SPATA18: variants seen among roughly 807,000 people sequenced by gnomAD.
SPATA18 encodes the protein spermatogenesis associated 18, also known as mitochondria-eating protein.
A neutral mutation model predicts 68.1 loss-of-function variants in SPATA18; 54 were observed. The ratio of observed to expected loss-of-function variants is 0.79; its 90% CI spans 0.64 to 0.99. The LOEUF (loss-of-function observed/expected upper bound fraction) is 0.99. SPATA18 is among the 50% of genes least tolerant of loss of function. The pLI, the probability that SPATA18 is intolerant of heterozygous loss-of-function variation, is 0.00. For synonymous variants in SPATA18, 242 were observed against 244.8 expected (o/e 0.99, Z 0.11); for missense variants, 724 against 681.1 (o/e 1.06, Z -0.70).
chr4:52,053,035 G>C (rs1560577247), intron 1 of SPATA18, among the ~76,000 whole-genome samples: 1 of 152,116 alleles, frequency 6.6e-6, no homozygotes, highest in African/African-American at 2.4e-5. Flanking sequence ...AATTTTAAAA[G>C]TACCTACTAC....
chr4:52,078,818 G>A lies in SPATA18; in HGVS notation c.1104G>A (p.Ser368=), dbSNP rs1358952323. ...CGTTGACACCATCTTATGTGGGGTC[G>A]AATGACTTTGAGAATGCTGTCTTGG... The part of the protein sequence containing the change: ...RKSLTPSYVG[S]NDFENAVLDY... The change falls in exon 8 of 13, where the codon TCG becomes TCA. Residue 368 remains serine, a synonymous_variant. Transcript: ENST00000295213. The A allele has an allele frequency of 1.2e-6, 2 of 1,609,516 alleles. No individual in the cohort carries two copies. Among genetic ancestry groups the A allele is most frequent in the Non-Finnish European group, 1.7e-6 (2 of 1,176,294 alleles).
At chr4:52,077,069 CCTTAGGGCAGCCGGGAGA>C (rs775387631) in intron 7 of SPATA18, 29 bp downstream of exon 7, 7 of 1,563,946 alleles carry the variant, frequency 4.5e-6, no homozygotes, top group African/African-American at 1.4e-5. Flanking sequence ...ACTCCCGGCT[CCTTAGGGCAGCCGGGAGA>C]CAAGTTCTGT....
Position 52,082,462 on chromosome 4 carries a change from T to C in SPATA18, c.1431T>C (p.Asn477=). The change falls in exon 10 of 13, where the codon AAT becomes AAC. Residue 477 remains asparagine, a synonymous_variant. Transcript: ENST00000295213. ...ACGTGTGGCCTGCTCTCATGGAGAA[T>C]GACTGTGTCATTATGAAGGGAGAAG... The part of the protein sequence containing the change: ...LYHVWPALME[N]DCVIMKGEAV... 1 of 1,614,162 alleles carries C rather than the reference T, an allele frequency of 6.2e-7. No homozygotes were observed. Among genetic ancestry groups the C allele is most frequent in the South Asian group, 1.1e-5 (1 of 91,084 alleles).
At chr4:52,084,253 G>A (rs1741222741) in intron 10 of SPATA18, among the ~76,000 whole-genome samples, 1 of 152,134 alleles carries the variant, frequency 6.6e-6, no homozygotes, top group South Asian at 2.1e-4. Context: ...AATAGCCATT[G>A]CCTTTTAACT....
chr4:52,063,985 T>A (rs1739107628), intron 4 of SPATA18, among the ~76,000 whole-genome samples: 1 of 152,164 alleles, frequency 6.6e-6, no homozygotes, highest in Non-Finnish European at 1.5e-5. Context: ...CCACTTCTCT[T>A]TCTTGTTTCA....
At chr4:52,074,912 T>C (rs1040901091) in intron 6 of SPATA18, among the ~76,000 whole-genome samples, 3 of 152,136 alleles carry the variant, frequency 2.0e-5, no homozygotes, top group Non-Finnish European at 4.4e-5. Flanking sequence ...CCAAGGCTCA[T>C]CCATAGAAAA....
At chr4:52,092,579 C>T (rs950691521) in intron 11 of SPATA18, among the ~76,000 whole-genome samples, 1 of 152,222 alleles carries the variant, frequency 6.6e-6, no homozygotes, top group South Asian at 2.1e-4. Flanking sequence ...CTGGGTTCCT[C>T]AGTTGGAAAT....
intron 6 of SPATA18, among the ~76,000 whole-genome samples, chr4:52,075,185 G>A (rs2109471906): frequency 6.6e-6 from 1 of 152,228 alleles, no homozygotes; most frequent in Middle Eastern, 3.4e-3. Flanking sequence ...ACAGGGTCCT[G>A]GGGGTGGCTT....
At chr4:52,091,366 G>A (rs939984997) in intron 11 of SPATA18, among the ~76,000 whole-genome samples, 1 of 152,094 alleles carries the variant, frequency 6.6e-6, no homozygotes, top group African/African-American at 2.4e-5. Context: ...AGGAGGAAAG[G>A]TGTTCTGGTT....
In SPATA18 at chr4:52,060,792, T is replaced by C. The variant is rs755021887; in HGVS notation, c.204T>C (p.Asn68=). The change falls in exon 3 of 13, where the codon AAT becomes AAC. Residue 68 remains asparagine, a synonymous_variant. Transcript: ENST00000295213. Reference sequence around the variant, plus strand: ...CATTTAACATTTTAGGAGGACGTAATGATGGTGTGGAAACAATCAAGTCAC... The same window carrying C: ...CATTTAACATTTTAGGAGGACGTAACGATGGTGTGGAAACAATCAAGTCAC... ...LTAAAQEGGR[N]DGVETIKSRL... 7.4e-6 allele frequency: 12 copies of C among 1,613,812 alleles called. No individual in the cohort carries two copies. The highest frequency in any genetic ancestry group is 1.3e-5 in the African/African-American group (1 of 74,888).
chr4:52,074,841 G>A (rs888892094), intron 6 of SPATA18, among the ~76,000 whole-genome samples: 1 of 152,200 alleles, frequency 6.6e-6, no homozygotes, highest in Non-Finnish European at 1.5e-5. Context: ...CCAGCATGGA[G>A]AGAAATGGTT....
intron 9 of SPATA18, among the ~76,000 whole-genome samples, chr4:52,080,734 A>G (rs1740846905): frequency 6.6e-6 from 1 of 152,160 alleles, no homozygotes; most frequent in Non-Finnish European, 1.5e-5. Context: ...GGGGGCAATA[A>G]TAATGCCTAC....
intron 11 of SPATA18, among the ~76,000 whole-genome samples, chr4:52,090,892 G>A (rs1741883939): frequency 6.6e-6 from 1 of 152,004 alleles, no homozygotes. Flanking sequence ...TTCCAGCTTG[G>A]TTCCATTCTC....
rs779933291 is a variant in SPATA18 at position 52,062,285 on chromosome 4, C to G, written c.375C>G (p.Asp125Glu). The change falls in exon 4 of 13, where the codon GAC becomes GAG. Residue 125 changes from aspartate to glutamate, a missense_variant. Transcript: ENST00000295213. ...GGGATCGGGATATGCAACAGTTAGA[C>G]TCTAATTTGAACTCAACCCGGAGTC... ...SPRDRDMQQL[D>E]SNLNSTRSQC... 6.2e-7 allele frequency: 1 copy of G among 1,607,928 alleles called. No individual in the cohort carries two copies. The highest frequency in any genetic ancestry group is 8.5e-7 in the Non-Finnish European group (1 of 1,177,350).
chr4:52,082,794 A>G, intron 10 of SPATA18: 2 of 1,225,152 alleles, frequency 1.6e-6, no homozygotes, highest in South Asian at 1.7e-5. Context: ...TAATATTTTA[A>G]AAACAAAGCC....
chr4:52,079,698 T>TTG, intron 8 of SPATA18, 46 bp from the exon 9 acceptor site: 1 of 1,600,400 alleles, frequency 6.2e-7, no homozygotes, highest in Admixed American at 1.7e-5. Context: ...TCAGAGTGTT[T>TTG]TTGTCACAGG....
At chr4:52,070,665 C>T (rs902575001) in intron 5 of SPATA18, among the ~76,000 whole-genome samples, 15 of 151,800 alleles carry the variant, frequency 9.9e-5, no homozygotes, top group Middle Eastern at 6.8e-3. Context: ...GCATATGTAC[C>T]CTAAAACTTA....
In SPATA18 at chr4:52,096,914, A is replaced by G. The variant is rs1000423041; in HGVS notation, c.*2027A>G. 2.6e-5 allele frequency: 4 copies of G among 152,160 alleles called. No homozygotes were observed. The highest frequency in any genetic ancestry group is 9.7e-5 in the African/African-American group (4 of 41,442). 9.4% of individuals were successfully genotyped at this position (152,160 alleles called of 1,614,324 possible). A position where few individuals can be genotyped will look rare whatever the true frequency, so the allele number is the denominator to read the frequency against. ...CTCACTAAGTAATGAGAATGCCTAC[A>G]TATCAGAATTTTTTTTTTCAGGAGC... On this transcript the variant is annotated 3_prime_UTR_variant, in exon 13 of 13. Transcript: ENST00000295213.
At position 52,094,516 on chromosome 4, in the gene SPATA18, A is replaced by G; in HGVS notation, c.1564-11A>G. On this transcript the variant is annotated splice_polypyrimidine_tract_variant and intron_variant, in intron 11 of 12. Coordinates refer to ENST00000295213, the MANE Select transcript of SPATA18 (RefSeq NM_145263.4). ...ACTATGTAATTCACATTATTCTTTTATATTTTCCAGATGTCTCGAAGTCGG... is the reference window on the plus strand; with the variant it reads ...ACTATGTAATTCACATTATTCTTTTGTATTTTCCAGATGTCTCGAAGTCGG... The G allele has an allele frequency of 6.2e-7, 1 of 1,611,870 alleles. No homozygotes were observed.
Sources: gnomAD v4.1 joint callset for allele counts (sites outside exome capture counted in the v4.1 genomes callset) on GRCh38, gnomAD v4.1.1 for gene constraint, MANE v1.5 for transcripts, NCBI Gene and HGNC (gene_info 2026-07-23, HGNC 2026-07-21) for gene names.